The following CBL variants were observed in gnomAD, a reference collection of about 807,000 sequenced individuals.
CBL encodes Cbl proto-oncogene, also known as E3 ubiquitin-protein ligase CBL.
Under a neutral mutation model 96.9 loss-of-function variants are expected in CBL, and 45 were observed. The ratio of observed to expected loss-of-function variants is 0.46; its 90% CI spans 0.37 to 0.60. The LOEUF (loss-of-function observed/expected upper bound fraction) is 0.60. Among genes scored for constraint, CBL ranks in the 20% least tolerant of loss-of-function variants. The probability of loss-of-function intolerance (pLI) is 0.00; values close to 1 mark genes in which losing one functional copy is unlikely to be tolerated. For missense variants in CBL, 1,024 were observed against 1,143.5 expected (o/e 0.90, Z 1.51); for synonymous variants, 420 against 426.8 (o/e 0.98, Z 0.20).
chr11:119,225,852 C>T (rs1592374462), intron 1 of CBL, among the ~76,000 whole-genome samples: 1 of 151,334 alleles, frequency 6.6e-6, no homozygotes, highest in Non-Finnish European at 1.5e-5. Context: ...CTCAGCCTCC[C>T]GAGTAGCTAG....
chr11:119,260,383 A>G (rs1419894758), intron 2 of CBL, among the ~76,000 whole-genome samples: 5 of 151,906 alleles, frequency 3.3e-5, no homozygotes, highest in Admixed American at 6.6e-5. Context: ...AGCTGCGACT[A>G]CAGGCACGTG....
chr11:119,286,265 C>T (rs1002486595), intron 11 of CBL, among the ~76,000 whole-genome samples: 5 of 152,084 alleles, frequency 3.3e-5, no homozygotes, highest in Non-Finnish European at 7.3e-5. Context: ...GGTGATTGCA[C>T]TCCAGCCTGG....
At chr11:119,264,972 G>C (rs1351761794) in intron 2 of CBL, among the ~76,000 whole-genome samples, 2 of 152,104 alleles carry the variant, frequency 1.3e-5, no homozygotes, top group African/African-American at 4.8e-5. Flanking sequence ...CACTTGCCAG[G>C]TTCAAGCTAT....
intron 1 of CBL, among the ~76,000 whole-genome samples, chr11:119,227,303 T>C (rs190692394): frequency 6.6e-6 from 1 of 152,308 alleles, no homozygotes; most frequent in Non-Finnish European, 1.5e-5. Flanking sequence ...AGGCTAAGTA[T>C]ATTAAATATA....
intron 1 of CBL, among the ~76,000 whole-genome samples, chr11:119,218,326 G>A (rs1949379900): frequency 6.6e-6 from 1 of 152,102 alleles, no homozygotes; most frequent in Non-Finnish European, 1.5e-5. Flanking sequence ...ACAAAAAGGG[G>A]ATGGGGAGGA....
At chr11:119,285,663 A>T (rs1338280842) in intron 11 of CBL, 97 bp downstream of exon 11, 1 of 1,365,760 alleles carries the variant, frequency 7.3e-7, no homozygotes, top group Non-Finnish European at 1.0e-6. Flanking sequence ...TGGGAGGCCA[A>T]GGTGGGTGGA....
At chr11:119,268,018 A>G (rs1430637723) in intron 2 of CBL, among the ~76,000 whole-genome samples, 1 of 152,248 alleles carries the variant, frequency 6.6e-6, no homozygotes, top group East Asian at 1.9e-4. Flanking sequence ...GAAGAGAGGC[A>G]GGTGTAAGAA....
chr11:119,246,111 A>C (rs571359909), intron 2 of CBL, among the ~76,000 whole-genome samples: 7 of 150,818 alleles, frequency 4.6e-5, no homozygotes, highest in Non-Finnish European at 7.4e-5. Flanking sequence ...AGTAGCTGGG[A>C]CTACAGGCGC....
At position 119,232,542 on chromosome 11, in the gene CBL, C is replaced by T. The variant is rs1293881596; in HGVS notation, c.290C>T (p.Thr97Ile). The change falls in exon 2 of 16, where the codon ACT becomes ATT. Residue 97 changes from threonine to isoleucine, a missense_variant. By Grantham distance (89) the Thr-to-Ile change is moderately conservative (BLOSUM62 -1). Around this residue, in one of 4 missense-constraint regions of CBL, gnomAD observed 192 missense variants for 321.8 expected, o/e 0.60. Transcript: ENST00000264033. ...LLPDTYQHLR[T>I]ILSRYEGKME... ...CCAGATACCTACCAGCATCTCCGTACTATCTTGTCAAGATATGAGGGGAAG... is the reference window on the plus strand; with the variant it reads ...CCAGATACCTACCAGCATCTCCGTATTATCTTGTCAAGATATGAGGGGAAG... 2.5e-6 allele frequency: 4 copies of T among 1,613,870 alleles called. No individual in the cohort carries two copies. Among genetic ancestry groups the T allele is most frequent in the Middle Eastern group, 1.6e-4 (1 of 6,084 alleles).
intron 1 of CBL, among the ~76,000 whole-genome samples, chr11:119,217,961 C>CAGAT (rs1249661028): frequency 6.6e-6 from 1 of 151,984 alleles, no homozygotes; most frequent in Non-Finnish European, 1.5e-5. Flanking sequence ...CCTTTAGTCC[C>CAGAT]AGATACTCAG....
chr11:119,213,427 G>C (rs1315613774), intron 1 of CBL, among the ~76,000 whole-genome samples: 1 of 152,138 alleles, frequency 6.6e-6, no homozygotes, highest in East Asian at 1.9e-4. Flanking sequence ...CTGAAGTGAT[G>C]AGGATCTCTT....
chr11:119,224,454 A>T (rs947007046), intron 1 of CBL, among the ~76,000 whole-genome samples: 7 of 152,174 alleles, frequency 4.6e-5, no homozygotes, highest in Admixed American at 4.6e-4. Context: ...CCAAAAGTTA[A>T]CCAGTAATAG....
At chr11:119,208,939 C>T (rs150051624) in intron 1 of CBL, among the ~76,000 whole-genome samples, 6 of 152,288 alleles carry the variant, frequency 3.9e-5, no homozygotes, top group Admixed American at 6.5e-5. Context: ...GATAGTTTCA[C>T]GGAAAGTAGG....
In CBL at chr11:119,303,830, T is replaced by G. The variant is rs911824534; in HGVS notation, c.*4049T>G. ...CACTCCCCTTTCCAATCTAGTGCCT[T>G]CCTTGAACTTTTTCCTGAGCTGCTA... On this transcript the variant is annotated 3_prime_UTR_variant, in exon 16 of 16. Coordinates refer to ENST00000264033, the MANE Select transcript of CBL (RefSeq NM_005188.4). 4 of 233,644 alleles carry G rather than the reference T, an allele frequency of 1.7e-5. No individual in the cohort carries two copies. Among genetic ancestry groups the G allele is most frequent in the East Asian group, 6.0e-5 (1 of 16,606 alleles). The allele number at this position is 233,644 out of a possible 1,614,324, so 14.5% of individuals were successfully genotyped here. A position where few individuals can be genotyped will look rare whatever the true frequency, so the allele number is the denominator to read the frequency against.
chr11:119,239,901 A>G (rs1592380766), intron 2 of CBL, among the ~76,000 whole-genome samples: 1 of 152,128 alleles, frequency 6.6e-6, no homozygotes, highest in Non-Finnish European at 1.5e-5. Flanking sequence ...AGTTAAATAT[A>G]GTACATAGAA....
intron 1 of CBL, among the ~76,000 whole-genome samples, chr11:119,219,407 T>C (rs970258845): frequency 4.0e-5 from 6 of 150,234 alleles, no homozygotes; most frequent in Non-Finnish European, 7.4e-5. Flanking sequence ...AAGAAAGAAA[T>C]CATACTAGGC....
rs148930670 is a variant in CBL at position 119,275,178 on chromosome 11, C to T, written c.869+225C>T. On this transcript the variant is annotated intron_variant, in intron 5 of 15. Transcript: ENST00000264033. ...ATTTATGGCCGGGCACAGTGGCTCA[C>T]GCCTGTCATCCCAGCACTTTGGGAG... Among the ~76,000 whole-genome samples the T allele has an allele frequency of 3.7e-3, 570 of 152,328 alleles. 14 individuals carry two copies. The highest frequency in any genetic ancestry group is 6.5e-4 in the Non-Finnish European group (44 of 68,032).
chr11:119,221,464 C>T (rs1449010775), intron 1 of CBL, among the ~76,000 whole-genome samples: 3 of 151,572 alleles, frequency 2.0e-5, no homozygotes, highest in Admixed American at 6.6e-5. Flanking sequence ...CATGAGTTTT[C>T]GTTTAAAAAA....
rs879784628 is a variant in CBL, at chr11:119,274,817, A to G, written c.748-15A>G. ...ATCTGACCTGAATAGTCTGTGATTGATCTTGTTTCTTTAGCCCTGGTCCTC... is the reference window on the plus strand; with the variant it reads ...ATCTGACCTGAATAGTCTGTGATTGGTCTTGTTTCTTTAGCCCTGGTCCTC... On this transcript the variant is annotated splice_polypyrimidine_tract_variant and intron_variant, in intron 4 of 15. Transcript: ENST00000264033. 6.9e-6 allele frequency: 11 copies of G among 1,605,126 alleles called. No individual in the cohort carries two copies. Among genetic ancestry groups the G allele is most frequent in the Non-Finnish European group, 9.4e-6 (11 of 1,175,458 alleles).
Sources: gnomAD v4.1 joint callset for allele counts (sites outside exome capture counted in the v4.1 genomes callset) on GRCh38, gnomAD v4.1.1 for gene constraint, gnomAD v4.1.1 regional missense constraint, MANE v1.5 for transcripts, NCBI Gene and HGNC (gene_info 2026-07-23, HGNC 2026-07-21) for gene names.